The following NAF1 variants were observed in gnomAD, a reference collection of about 807,000 sequenced individuals.
NAF1 encodes the protein nuclear assembly factor 1 ribonucleoprotein.
Under a neutral mutation model 40.6 loss-of-function variants are expected in NAF1, and 11 were observed. The ratio of observed to expected loss-of-function variants is 0.27; its 90% CI spans 0.17 to 0.45. The LOEUF (loss-of-function observed/expected upper bound fraction) is 0.45, where lower values mean the gene tolerates loss of function less well. Ranked by LOEUF, NAF1 falls within the 20% of genes least tolerant of loss-of-function variation. The probability of loss-of-function intolerance (pLI) is 1.00; values close to 1 mark genes in which losing one functional copy is unlikely to be tolerated. For synonymous variants in NAF1, 260 were observed against 228.5 expected (o/e 1.14, Z -1.24); for missense variants, 607 against 611.1 (o/e 0.99, Z 0.07).
At position 163,140,394 on chromosome 4, in the gene NAF1, A is replaced by C; in HGVS notation, c.718-11T>G. The stretch of plus-strand genomic sequence containing the variant: ...AAATATCTCGAATATCTGTAATAGA[A>C]ACATAAAGGCCTCTTTTAACATGTA... On this transcript the variant is annotated splice_polypyrimidine_tract_variant and intron_variant, in intron 4 of 7. Coordinates refer to ENST00000274054, the MANE Select transcript of NAF1 (RefSeq NM_138386.3). 3 of 1,587,900 alleles carry C rather than the reference A, an allele frequency of 1.9e-6. No individual in the cohort carries two copies. The highest frequency in any genetic ancestry group is 2.6e-6 in the Non-Finnish European group (3 of 1,170,198).
rs111418887 is a variant in NAF1, at chr4:163,144,837, T to C, written c.717+945A>G. On this transcript the variant is annotated intron_variant, in intron 4 of 7. Coordinates refer to ENST00000274054, the MANE Select transcript of NAF1 (RefSeq NM_138386.3). ...CTAGAAATTCAAATGTAGTGGGAAA[T>C]ACAAAAAAAATGTCTGTTTAGAGGT... Among the ~76,000 whole-genome samples, 1,408 of 152,174 alleles carry C rather than the reference T, an allele frequency of 9.3e-3. 29 individuals carry two copies. Among genetic ancestry groups the C allele is most frequent in the African/African-American group, 0.032 (1,322 of 41,544 alleles).
At chr4:163,163,279 A>T (rs1199952877) in intron 2 of NAF1, among the ~76,000 whole-genome samples, 1 of 152,182 alleles carries the variant, frequency 6.6e-6, no homozygotes, top group African/African-American at 2.4e-5. Context: ...CATAAGCGAG[A>T]CGAGAATTTC....
intron 2 of NAF1, among the ~76,000 whole-genome samples, chr4:163,152,003 A>G (rs1731729296): frequency 6.6e-6 from 1 of 152,220 alleles, no homozygotes; most frequent in African/African-American, 2.4e-5. Flanking sequence ...TTTATTATAC[A>G]ACCATATTTT....
intron 2 of NAF1, among the ~76,000 whole-genome samples, chr4:163,119,204 G>C (rs1730443293): frequency 6.6e-6 from 1 of 152,050 alleles, no homozygotes; most frequent in Non-Finnish European, 1.5e-5. Flanking sequence ...ACTATTTGTA[G>C]AATGTCCTTA....
Position 163,128,971 on chromosome 4 carries a change from G to A in NAF1, c.1411C>T (p.Pro471Ser), listed in dbSNP as rs780463450. The A allele has an allele frequency of 4.8e-6, 7 of 1,469,514 alleles. No homozygotes were observed. In the South Asian group the frequency reaches 7.3e-5, roughly 15 times the overall value. The allele number at this position is 1,469,514 out of a possible 1,614,324, so 91.0% of individuals were successfully genotyped here. Residue 471 changes from proline to serine, a missense_variant, in exon 8 of 8, where the codon CCC becomes TCC. Physicochemically the swap from Pro to Ser is moderately conservative, Grantham distance 74 (BLOSUM62 -1). This residue lies in a region of NAF1 where 189 missense variants were observed against 216.6 expected (regional missense o/e 0.87). Coordinates refer to ENST00000274054, the MANE Select transcript of NAF1 (RefSeq NM_138386.3). ...GGAGGCAGTGGTGGAGGGGGAGGGG[G>A]TGGGGGTAGGGAGTATGGTAAGTTA... is the stretch of plus-strand genomic sequence containing the variant. ...LLNLPYSLPP[P>S]PPPPPLPPPP... is the part of the protein sequence containing the mutation.
intron 2 of NAF1, among the ~76,000 whole-genome samples, chr4:163,110,488 A>C (rs1730127814): frequency 6.6e-6 from 1 of 152,182 alleles, no homozygotes; most frequent in Admixed American, 6.6e-5. Context: ...AGGGTTCGCT[A>C]CTATTTGTGA....
chr4:163,145,944 A>G, intron 3 of NAF1, 80 bp from the exon 4 acceptor site: 1 of 760,160 alleles, frequency 1.3e-6, no homozygotes, highest in Non-Finnish European at 2.1e-6. Flanking sequence ...CTTTAATTCC[A>G]ACATAATTTA....
At chr4:163,106,171 AT>A (rs1730047558), downstream of NAF1, among the ~76,000 whole-genome samples, 2 of 152,174 alleles carry the variant, frequency 1.3e-5, no homozygotes, top group South Asian at 4.1e-4. Context: ...AAGACATAAT[AT>A]TAACCTAGGA....
intron 5 of NAF1, among the ~76,000 whole-genome samples, chr4:163,138,302 A>C (rs1731133132): frequency 6.6e-6 from 1 of 152,078 alleles, no homozygotes; most frequent in African/African-American, 2.4e-5. Context: ...CATTTCCTCA[A>C]TTGTCATTTC....
intron 6 of NAF1, among the ~76,000 whole-genome samples, chr4:163,136,882 AC>A (rs1172230704): frequency 6.6e-6 from 1 of 152,232 alleles, no homozygotes; most frequent in Non-Finnish European, 1.5e-5. Flanking sequence ...AAAAATAATG[AC>A]AGCCTGCCTT....
At chr4:163,146,311 G>C (rs1731467900) in intron 3 of NAF1, among the ~76,000 whole-genome samples, 1 of 152,092 alleles carries the variant, frequency 6.6e-6, no homozygotes, top group Non-Finnish European at 1.5e-5. Context: ...TAAATAAAAG[G>C]CTTCACAAAA....
At chr4:163,155,906 A>C (rs1731966760) in intron 2 of NAF1, among the ~76,000 whole-genome samples, 1 of 150,298 alleles carries the variant, frequency 6.7e-6, no homozygotes, top group African/African-American at 2.4e-5. Context: ...TAGATGTAAA[A>C]GGCATACTAA....
downstream of NAF1, among the ~76,000 whole-genome samples, chr4:163,108,515 A>G (rs574384457): frequency 6.6e-6 from 1 of 152,354 alleles, no homozygotes; most frequent in African/African-American, 2.4e-5. Flanking sequence ...AGAGAAAGCC[A>G]GTCACAGATT....
intron 2 of NAF1, chr4:163,117,512 G>T (rs935357525): frequency 6.6e-6 from 1 of 150,896 alleles, no homozygotes; most frequent in African/African-American, 2.4e-5. Flanking sequence ...TTACAGGTTT[G>T]TGCTTCTATT....
In NAF1 at chr4:163,164,385, T is replaced by C. The variant is rs977924346; in HGVS notation, c.372A>G (p.Thr124=). 9.0e-6 allele frequency: 14 copies of C among 1,560,436 alleles called. No homozygotes were observed. Among genetic ancestry groups the C allele is most frequent in the African/African-American group, 1.4e-5 (1 of 72,658 alleles). Residue 124 remains threonine, a synonymous_variant, in exon 2 of 8, where the codon ACA becomes ACG. Coordinates refer to ENST00000274054, the MANE Select transcript of NAF1 (RefSeq NM_138386.3). ...ACGATGAACTTGAACTATCTGAATC[T>C]GTTTCACTGTAGGGAAGAAAACAGT... The part of the protein sequence containing the change: ...SDSDSDSDSE[T]DSDSSSSSSS...
At chr4:163,155,465 T>C (rs1351488478) in intron 2 of NAF1, among the ~76,000 whole-genome samples, 1 of 152,118 alleles carries the variant, frequency 6.6e-6, no homozygotes, top group East Asian at 1.9e-4. Context: ...TCAGTCTTTG[T>C]CTGAGCAGAA....
chr4:163,106,495 T>C (rs541297787), downstream of NAF1, among the ~76,000 whole-genome samples: 2 of 152,288 alleles, frequency 1.3e-5, no homozygotes, highest in African/African-American at 2.4e-5. Flanking sequence ...GGGTATTTCA[T>C]TGGACAACAC....
At chr4:163,145,266 T>A (rs1000555667) in intron 4 of NAF1, among the ~76,000 whole-genome samples, 2 of 152,218 alleles carry the variant, frequency 1.3e-5, no homozygotes, top group African/African-American at 4.8e-5. Context: ...AATGCACATA[T>A]TTGTAATTCC....
At chr4:163,119,018 T>A (rs1282012847) in intron 2 of NAF1, among the ~76,000 whole-genome samples, 1 of 152,194 alleles carries the variant, frequency 6.6e-6, no homozygotes, top group East Asian at 1.9e-4. Context: ...ATAAGACTTA[T>A]ATATAAACTT....
Sources: allele counts gnomAD v4.1 joint callset (sites outside exome capture counted in the v4.1 genomes callset), GRCh38; gene constraint gnomAD v4.1.1; regional missense constraint gnomAD v4.1.1; transcripts MANE v1.5; gene names NCBI Gene and HGNC (gene_info 2026-07-23, HGNC 2026-07-21).